Variants in RGP1 observed in about 807,000 individuals in gnomAD.
RGP1 encodes RAB6A-GEF complex partner protein 2.
RGP1 carries 28 observed loss-of-function variants against 44.5 expected under a neutral mutation model. The observed-to-expected ratio is 0.63, with a 90% CI of 0.47 to 0.86. RGP1 has a LOEUF of 0.86. Ranked by LOEUF, RGP1 falls within the 40% of genes least tolerant of loss-of-function variation. The pLI is 0.00. For synonymous variants in RGP1, 212 were observed against 196.7 expected (o/e 1.08, Z -0.65); for missense variants, 417 against 490.7 (o/e 0.85, Z 1.42).
chr9:35,771,158 A>G, the RGP1 span, among the ~76,000 whole-genome samples: 1 of 151,766 alleles, frequency 6.6e-6, no homozygotes, highest in Non-Finnish European at 1.5e-5. Context: ...TTTGGCTAGC[A>G]CTCCTTTTCT....
chr9:35,755,604 A>G lies in RGP1; in HGVS notation c.*2730A>G, dbSNP rs1827348030. ...TCAGATCATCAGGCATTAGATTCTC[A>G]TAAGGAGTGTGCAATCTAGATCCCT... is the stretch of plus-strand genomic sequence containing the variant. On this transcript the variant is annotated 3_prime_UTR_variant, in exon 9 of 9. Transcript: ENST00000378078. The G allele has an allele frequency of 6.6e-6, 1 of 152,214 alleles. No homozygotes were observed. 9.4% of individuals were successfully genotyped at this position (152,214 alleles called of 1,614,324 possible).
chr9:35,752,561 G>T (rs1390099439), intron 8 of RGP1, 90 bp from the exon 9 acceptor site: 1 of 1,143,494 alleles, frequency 8.7e-7, no homozygotes, highest in African/African-American at 1.5e-5. Flanking sequence ...AACACAGATT[G>T]TTTTCTTCTC....
chr9:35,761,535 G>T (rs1827416034), downstream of RGP1, among the ~76,000 whole-genome samples: 1 of 152,104 alleles, frequency 6.6e-6, no homozygotes, highest in African/African-American at 2.4e-5. Flanking sequence ...TTAGCCAGGT[G>T]TGGTGGTGCA....
chr9:35,753,474 ACC>A lies in RGP1; in HGVS notation c.*603_*604del. 1 of 770,746 alleles carries A rather than the reference ACC, an allele frequency of 1.3e-6. No individual in the cohort carries two copies. Among genetic ancestry groups the A allele is most frequent in the Non-Finnish European group, 2.1e-6 (1 of 481,440 alleles). 47.7% of individuals were successfully genotyped at this position (770,746 alleles called of 1,614,324 possible). ...ACAGGAGTATTTTCTCTCCAGGTCC[ACC>A]CCAACCTCCCCTGATTTATAGCCTG... On this transcript the variant is annotated 3_prime_UTR_variant, in exon 9 of 9. Transcript: ENST00000378078. The surrounding 1 kb of genome is among the most constrained non-coding windows in gnomAD (Gnocchi z 4.2).
At chr9:35,772,278 C>T in the RGP1 span, 9 of 152,238 alleles carry the variant, frequency 5.9e-5, no homozygotes, top group East Asian at 1.9e-4. Flanking sequence ...TGGGGAGCTT[C>T]GAGCTCAGAG....
At position 35,751,296 on chromosome 9, in the gene RGP1, A is replaced by G. The variant is rs1827258976; in HGVS notation, c.518A>G (p.Glu173Gly). ...GLQDVRFPQD[E>G]AVAPSSPFLE... Reference sequence around the variant, plus strand: ...CAGGATGTCCGGTTTCCCCAGGATGAGGCTGTAGCCCCATCCAGTCCATTC... The same window carrying G: ...CAGGATGTCCGGTTTCCCCAGGATGGGGCTGTAGCCCCATCCAGTCCATTC... Residue 173 changes from glutamate (E) to glycine (G), a missense_variant, in exon 6 of 9, where the codon GAG becomes GGG. By Grantham distance (98) the Glu-to-Gly change is moderately conservative. Coordinates refer to ENST00000378078, the MANE Select transcript of RGP1 (RefSeq NM_001080496.3). 6.2e-7 allele frequency: 1 copy of G among 1,613,684 alleles called. No individual in the cohort carries two copies. Among genetic ancestry groups the G allele is most frequent in the Non-Finnish European group, 8.5e-7 (1 of 1,179,722 alleles).
the RGP1 span, among the ~76,000 whole-genome samples, chr9:35,769,295 C>T: frequency 2.0e-5 from 3 of 152,244 alleles, no homozygotes; most frequent in African/African-American, 7.2e-5. Context: ...TCTTGTTGTC[C>T]TTGATGCTGT....
chr9:35,769,480 G>A, the RGP1 span, among the ~76,000 whole-genome samples: 2 of 152,278 alleles, frequency 1.3e-5, no homozygotes, highest in Admixed American at 1.3e-4. Flanking sequence ...AAACACACAT[G>A]AATACAATGA....
chr9:35,780,576 A>G, the RGP1 span: 2 of 152,210 alleles, frequency 1.3e-5, no homozygotes, highest in Non-Finnish European at 2.9e-5. Context: ...TTTTTCTTTT[A>G]AAGTGAATCC....
Position 35,752,790 on chromosome 9 carries a change from C to T in RGP1, c.1092C>T (p.Asp364=). ...TACCTGTAGACACCTTCAGCTGGGA[C>T]CTGCCCATCAAGGTGCTGCCTACTA... ...EQVPVDTFSW[D]LPIKVLPTSP... Residue 364 remains aspartate, a synonymous_variant, in exon 9 of 9, where the codon GAC becomes GAT. Transcript: ENST00000378078. 6.2e-7 allele frequency: 1 copy of T among 1,613,886 alleles called. No homozygotes were observed. Among genetic ancestry groups the T allele is most frequent in the Non-Finnish European group, 8.5e-7 (1 of 1,179,834 alleles).
the RGP1 span, among the ~76,000 whole-genome samples, chr9:35,787,273 A>G: frequency 6.6e-6 from 1 of 151,776 alleles, no homozygotes; most frequent in Non-Finnish European, 1.5e-5. Context: ...TCTTTCCCCC[A>G]GGCTGGAGTG....
At chr9:35,765,443 G>A in the RGP1 span, among the ~76,000 whole-genome samples, 2 of 152,170 alleles carry the variant, frequency 1.3e-5, no homozygotes, top group African/African-American at 2.4e-5. Context: ...GACTGCTTGA[G>A]TCCAGGAGTT....
the RGP1 span, among the ~76,000 whole-genome samples, chr9:35,776,170 T>G: frequency 6.6e-6 from 1 of 152,184 alleles, no homozygotes; most frequent in South Asian, 2.1e-4. Flanking sequence ...AAATTACTCC[T>G]CTGTTTTTCT....
chr9:35,781,498 A>G, the RGP1 span, among the ~76,000 whole-genome samples: 5 of 152,012 alleles, frequency 3.3e-5, no homozygotes, highest in African/African-American at 1.2e-4. Context: ...CTGGCATTGT[A>G]GTAGTTGGAG....
downstream of RGP1, among the ~76,000 whole-genome samples, chr9:35,759,928 T>C (rs1827404655): frequency 6.6e-6 from 1 of 151,964 alleles, no homozygotes; most frequent in Non-Finnish European, 1.5e-5. Flanking sequence ...TTTTTTTTTT[T>C]TTTCATTTTT....
intron 8 of RGP1, among the ~76,000 whole-genome samples, 179 bp downstream of exon 8, chr9:35,752,324 C>G (rs1158741062): frequency 6.6e-6 from 1 of 152,194 alleles, no homozygotes; most frequent in African/African-American, 2.4e-5. Context: ...GCACTGACCC[C>G]TAAACTCCTA....
Position 35,753,604 on chromosome 9 carries a change from C to T in RGP1, c.*730C>T. 4.2e-6 allele frequency: 6 copies of T among 1,428,122 alleles called. No individual in the cohort carries two copies. The highest frequency in any genetic ancestry group is 5.9e-6 in the Non-Finnish European group (6 of 1,021,650). 88.5% of individuals were successfully genotyped at this position (1,428,122 alleles called of 1,614,324 possible). A position where few individuals can be genotyped will look rare whatever the true frequency, so the allele number is the denominator to read the frequency against. On this transcript the variant is annotated 3_prime_UTR_variant, in exon 9 of 9. Coordinates refer to ENST00000378078, the MANE Select transcript of RGP1 (RefSeq NM_001080496.3). This position sits in a 1 kb window ranked among gnomAD's most constrained non-coding sequence, Gnocchi z 4.2. ...CACAGCAATCTAGTCACTCCCTGGT[C>T]ATCCCTCAGTCACTCATATCAGAGT...
chr9:35,751,807 A>G, intron 7 of RGP1, 53 bp downstream of exon 7: 3 of 1,611,166 alleles, frequency 1.9e-6, no homozygotes, highest in Non-Finnish European at 2.5e-6. Context: ...TTGAAGGGCT[A>G]GGGTGGAAGG....
chr9:35,767,999 C>G, the RGP1 span, among the ~76,000 whole-genome samples: 2 of 151,912 alleles, frequency 1.3e-5, no homozygotes, highest in African/African-American at 4.8e-5. Context: ...CAGGGTTTCG[C>G]TATGTTGACC....
Sources: allele counts gnomAD v4.1 joint callset (sites outside exome capture counted in the v4.1 genomes callset), GRCh38; gene constraint gnomAD v4.1.1; non-coding constraint Gnocchi (gnomAD v3.1); transcripts MANE v1.5; gene names NCBI Gene and HGNC (gene_info 2026-07-23, HGNC 2026-07-21).